The following ATF7IP2 variants were observed in gnomAD, a reference collection of about 807,000 sequenced individuals.
ATF7IP2 encodes activating transcription factor 7 interacting protein 2.
ATF7IP2 carries 42 observed loss-of-function variants against 64.2 expected under a neutral mutation model. The ratio of observed to expected loss-of-function variants is 0.65; its 90% confidence interval spans 0.51 to 0.85. The LOEUF (loss-of-function observed/expected upper bound fraction) is 0.85, where lower values mean the gene tolerates loss of function less well. ATF7IP2 is among the 40% of genes least tolerant of loss of function. The pLI is 0.00. For missense variants in ATF7IP2, 933 were observed against 784.2 expected (o/e 1.19, Z -2.27); for synonymous variants, 308 against 272.8 (o/e 1.13, Z -1.27).
intron 12 of ATF7IP2, among the ~76,000 whole-genome samples, chr16:10,478,946 A>G (rs2050110972): frequency 1.3e-5 from 2 of 152,226 alleles, no homozygotes; most frequent in East Asian, 3.9e-4. Context: ...CAAAACCACA[A>G]TGAGATACCA....
At chr16:10,477,804 G>A (rs556850801) in intron 12 of ATF7IP2, among the ~76,000 whole-genome samples, 4 of 152,264 alleles carry the variant, frequency 2.6e-5, no homozygotes, top group African/African-American at 9.6e-5. Context: ...CTTCAGCAAA[G>A]TCTCAGGATA....
intron 13 of ATF7IP2, 127 bp downstream of exon 13, chr16:10,481,091 TC>T (rs1205965076): frequency 4.5e-6 from 3 of 663,852 alleles, no homozygotes; most frequent in African/African-American, 1.8e-5. Flanking sequence ...CTGTTGTTAA[TC>T]TACTTATTTA....
chr16:10,477,605 C>G (rs1332339044), intron 12 of ATF7IP2, among the ~76,000 whole-genome samples: 1 of 152,076 alleles, frequency 6.6e-6, no homozygotes, highest in East Asian at 1.9e-4. Flanking sequence ...GGGATGCCCT[C>G]TCTCACCGCT....
At chr16:10,400,758 T>C (rs2047514072) in intron 1 of ATF7IP2, among the ~76,000 whole-genome samples, 1 of 152,232 alleles carries the variant, frequency 6.6e-6, no homozygotes, top group African/African-American at 2.4e-5. Flanking sequence ...CTTGGCTCAT[T>C]GCAACCTCCA....
In ATF7IP2 at chr16:10,460,206, AC is replaced by A. The variant is rs2049328438; in HGVS notation, c.1352+2679del. 2.6e-5 allele frequency among the ~76,000 whole-genome samples: 4 copies of A among 152,330 alleles called. No individual in the cohort carries two copies. In the South Asian group the frequency reaches 8.3e-4, roughly 32 times the overall value. On this transcript the variant is annotated intron_variant, in intron 9 of 13. Transcript: ENST00000562102. ...ATAGAAGCCCCAAAACATATCAAGTACCTAGGAATACATTTAATAAGAGAAA... is the reference window on the plus strand; with the variant it reads ...ATAGAAGCCCCAAAACATATCAAGTACTAGGAATACATTTAATAAGAGAAA...
intron 5 of ATF7IP2, among the ~76,000 whole-genome samples, chr16:10,432,083 C>T (rs1037802778): frequency 2.6e-5 from 4 of 151,356 alleles, no homozygotes; most frequent in Non-Finnish European, 4.4e-5. Context: ...GTGATCCACC[C>T]GCCTTGGCCT....
rs2048491262 is a variant in ATF7IP2, at chr16:10,438,327, C to G, written c.1095+92C>G. 5 of 1,316,504 alleles carry G rather than the reference C, an allele frequency of 3.8e-6. No homozygotes were observed. In the Admixed American group the frequency reaches 1.1e-4, roughly 29 times the overall value. 81.6% of individuals were successfully genotyped at this position (1,316,504 alleles called of 1,614,324 possible). On this transcript the variant is annotated intron_variant, in intron 7 of 13. Transcript: ENST00000562102. The stretch of plus-strand genomic sequence containing the variant: ...CTGCAGTACGGTGGCTCACTGCAGC[C>G]TCTGCCTTCTGAGCTCAAGCAATCC...
chr16:10,396,919 G>T (rs927027544), intron 1 of ATF7IP2, among the ~76,000 whole-genome samples: 32 of 151,932 alleles, frequency 2.1e-4, no homozygotes, highest in African/African-American at 7.5e-4. Flanking sequence ...CTCCTGCTTT[G>T]ACCTCCCAAA....
chr16:10,405,372 C>CA (rs906270347), intron 1 of ATF7IP2, among the ~76,000 whole-genome samples: 39 of 144,878 alleles, frequency 2.7e-4, no homozygotes, highest in East Asian at 1.4e-3. Flanking sequence ...AACTCCATCT[C>CA]AAAAAAAAAA....
In ATF7IP2 at chr16:10,438,094, A is replaced by C; in HGVS notation, c.961-7A>C. The stretch of plus-strand genomic sequence containing the variant: ...AGGGTGTTTTGGTTTTTATTTTAAA[A>C]TTCTAGGTCAGACATTTGATTCAGC... On this transcript the variant is annotated splice_region_variant and splice_polypyrimidine_tract_variant and intron_variant, in intron 6 of 13. Coordinates refer to ENST00000562102, the MANE Select transcript of ATF7IP2 (RefSeq NM_001393719.1). 6.5e-7 allele frequency: 1 copy of C among 1,530,578 alleles called. No individual in the cohort carries two copies. Among genetic ancestry groups the C allele is most frequent in the African/African-American group, 1.4e-5 (1 of 70,398 alleles). 94.8% of individuals were successfully genotyped at this position (1,530,578 alleles called of 1,614,324 possible). A position where few individuals can be genotyped will look rare whatever the true frequency, so the allele number is the denominator to read the frequency against.
chr16:10,475,700 A>G (rs1220853269), intron 12 of ATF7IP2, among the ~76,000 whole-genome samples: 8 of 149,832 alleles, frequency 5.3e-5, no homozygotes, highest in Non-Finnish European at 1.0e-4. Context: ...CTCAAAAAAA[A>G]AAAACCCAAT....
intron 1 of ATF7IP2, among the ~76,000 whole-genome samples, chr16:10,407,578 C>T (rs1380894603): frequency 6.6e-6 from 1 of 152,142 alleles, no homozygotes; most frequent in African/African-American, 2.4e-5. Context: ...TATATGCTAA[C>T]AGTGAATGAT....
chr16:10,413,487 T>G (rs1032861154), intron 1 of ATF7IP2, among the ~76,000 whole-genome samples: 2 of 152,204 alleles, frequency 1.3e-5, no homozygotes, highest in Non-Finnish European at 2.9e-5. Flanking sequence ...CAATCTCAGG[T>G]ATGTCTTTAT....
chr16:10,415,548 G>A (rs1320404644), intron 2 of ATF7IP2, among the ~76,000 whole-genome samples: 1 of 152,142 alleles, frequency 6.6e-6, no homozygotes, highest in African/African-American at 2.4e-5. Flanking sequence ...AACTCTCTAG[G>A]ACATTGTTCT....
intron 6 of ATF7IP2, among the ~76,000 whole-genome samples, chr16:10,435,335 T>C (rs1177510685): frequency 6.6e-6 from 1 of 152,190 alleles, no homozygotes; most frequent in East Asian, 1.9e-4. Flanking sequence ...GGTTTTTCCT[T>C]TACAGTCTTA....
intron 9 of ATF7IP2, among the ~76,000 whole-genome samples, chr16:10,461,961 C>A (rs1009793541): frequency 2.0e-5 from 3 of 151,944 alleles, no homozygotes; most frequent in African/African-American, 7.2e-5. Flanking sequence ...TTTCTGTTTG[C>A]CCTGTTTTAT....
At chr16:10,436,707 A>G (rs2048431862) in intron 6 of ATF7IP2, among the ~76,000 whole-genome samples, 1 of 152,214 alleles carries the variant, frequency 6.6e-6, no homozygotes, top group African/African-American at 2.4e-5. Context: ...TATAAATATT[A>G]TAAATACCTT....
chr16:10,434,092 T>G (rs1365792381), intron 6 of ATF7IP2, among the ~76,000 whole-genome samples: 1 of 152,232 alleles, frequency 6.6e-6, no homozygotes, highest in Non-Finnish European at 1.5e-5. Context: ...CATTGCAAAG[T>G]CCCTGTGCAT....
At chr16:10,460,688 G>A (rs558561815) in intron 9 of ATF7IP2, among the ~76,000 whole-genome samples, 1 of 151,986 alleles carries the variant, frequency 6.6e-6, no homozygotes, top group Admixed American at 6.6e-5. Context: ...CCTTTGTAAA[G>A]CTATACAAAA....
Sources: allele counts gnomAD v4.1 joint callset (sites outside exome capture counted in the v4.1 genomes callset), GRCh38; gene constraint gnomAD v4.1.1; transcripts MANE v1.5; gene names NCBI Gene and HGNC (gene_info 2026-07-23, HGNC 2026-07-21).